Variants in CEP295 observed in about 807,000 individuals in gnomAD.
CEP295 encodes centrosomal protein 295, also known as centrosomal protein of 295 kDa.
In CEP295, 190 loss-of-function variants were observed where a neutral mutation model predicts 291.6. The ratio of observed to expected loss-of-function variants is 0.65; its 90% CI spans 0.58 to 0.73. The LOEUF is 0.73. Among genes scored for constraint, CEP295 ranks in the 30% least tolerant of loss-of-function variants. The pLI, the probability that CEP295 is intolerant of heterozygous loss-of-function variation, is 0.00. For synonymous variants in CEP295, 993 were observed against 1,038.8 expected (o/e 0.96, Z 0.85); for missense variants, 2,863 against 2,949.4 (o/e 0.97, Z 0.68).
At chr11:93,707,832 A>G (rs1344097065) in intron 18 of CEP295, among the ~76,000 whole-genome samples, 2 of 152,128 alleles carry the variant, frequency 1.3e-5, no homozygotes, top group Admixed American at 6.5e-5. Context: ...AAGATAATTT[A>G]CTTGTATCTA....
At chr11:93,693,782 A>C (rs1050279409) in intron 12 of CEP295, among the ~76,000 whole-genome samples, 6 of 152,194 alleles carry the variant, frequency 3.9e-5, no homozygotes, top group Non-Finnish European at 8.8e-5. Flanking sequence ...AAAAAAGAAA[A>C]ATTTCTCATC....
In CEP295 at chr11:93,698,439, T is replaced by C; in HGVS notation, c.3527T>C (p.Ile1176Thr). 1 of 1,552,028 alleles carries C rather than the reference T, an allele frequency of 6.4e-7. No individual in the cohort carries two copies. Among genetic ancestry groups the C allele is most frequent in the Non-Finnish European group, 8.7e-7 (1 of 1,147,066 alleles). The change falls in exon 15 of 30, where the codon ATA becomes ACA. Residue 1176 changes from isoleucine to threonine, a missense_variant. Physicochemically the swap from Ile to Thr is moderately conservative, Grantham distance 89 (BLOSUM62 -1). Around this residue, in one of 3 missense-constraint regions of CEP295, gnomAD observed 2,295 missense variants for 2,335.7 expected, o/e 0.98. Coordinates refer to ENST00000325212, the MANE Select transcript of CEP295 (RefSeq NM_033395.2). ...GAACAGTCACAAATACAAAGGGTAATACTTGGTGCTAAAGAAGGAACTCAG... is the reference window on the plus strand; with the variant it reads ...GAACAGTCACAAATACAAAGGGTAACACTTGGTGCTAAAGAAGGAACTCAG... ...LQEQSQIQRV[I>T]LGAKEGTQEF...
chr11:93,706,677 A>G (rs1952529034), intron 17 of CEP295, 68 bp from the exon 18 acceptor site: 2 of 1,332,528 alleles, frequency 1.5e-6, no homozygotes, highest in Admixed American at 5.9e-5. Flanking sequence ...CCATAATATA[A>G]ATTGGCACTT....
chr11:93,721,963 C>CT lies in CEP295; in HGVS notation c.5861dup (p.Ser1955ValfsTer3). On this transcript the variant is annotated frameshift_variant, in exon 20 of 30. Transcript: ENST00000325212. LOFTEE classifies it high-confidence loss of function. ...TCCCCTTAATTTCTAGGCTAAAACA[C>CT]TGTCTTATGAACCATTATCTTCAGC... 6.2e-7 allele frequency: 1 copy of CT among 1,608,044 alleles called. No homozygotes were observed. The highest frequency in any genetic ancestry group is 8.5e-7 in the Non-Finnish European group (1 of 1,175,674).
At chr11:93,721,657 A>G (rs1282454084) in intron 19 of CEP295, 1 of 689,032 alleles carries the variant, frequency 1.5e-6, no homozygotes, top group Non-Finnish European at 2.6e-6. Flanking sequence ...CAATAAGGGC[A>G]TATGTCTGGT....
intron 10 of CEP295, among the ~76,000 whole-genome samples, chr11:93,691,243 C>G (rs1044981707): frequency 6.6e-6 from 1 of 152,220 alleles, no homozygotes; most frequent in African/African-American, 2.4e-5. Flanking sequence ...TCCATGCAGA[C>G]TATCTGGCTA....
In CEP295 at chr11:93,728,709, A is replaced by T; in HGVS notation, c.7190A>T (p.Glu2397Val). Residue 2397 changes from glutamate (E) to valine (V), a missense_variant, in exon 25 of 30, where the codon GAA (glutamate) becomes GTA (valine). Glu to Val is a moderately radical substitution (Grantham distance 121, BLOSUM62 -2). Coordinates refer to ENST00000325212, the MANE Select transcript of CEP295 (RefSeq NM_033395.2). ...ACAGAAACTGGCCATGGTATAATGG[A>T]AGAACCAGAACTTACTTTAATAAGC... ...WETETGHGIM[E>V]EPELTLISTT... 2 of 1,545,628 alleles carry T rather than the reference A, an allele frequency of 1.3e-6. No individual in the cohort carries two copies. Among genetic ancestry groups the T allele is most frequent in the South Asian group, 2.4e-5 (2 of 82,386 alleles).
intron 12 of CEP295, 135 bp downstream of exon 12, chr11:93,692,165 T>C (rs1178144102): frequency 6.7e-6 from 4 of 592,660 alleles, no homozygotes; most frequent in Non-Finnish European, 1.2e-5. Context: ...TACACAAACA[T>C]TCAGCTGATA....
At chr11:93,706,475 G>T (rs576956219) in intron 17 of CEP295, among the ~76,000 whole-genome samples, 1 of 152,258 alleles carries the variant, frequency 6.6e-6, no homozygotes, top group African/African-American at 2.4e-5. Flanking sequence ...ATGAATGCAT[G>T]TTATAATGGC....
In CEP295 at chr11:93,679,462, A is replaced by G. The variant is rs1044182326; in HGVS notation, c.675A>G (p.Leu225=). The G allele has an allele frequency of 6.4e-6, 10 of 1,551,538 alleles. No homozygotes were observed. The African/African-American group carries it at 9.6e-5, about 15-fold the overall frequency. The change falls in exon 7 of 30, where the codon CTA becomes CTG. Residue 225 remains leucine (L), a synonymous_variant. Coordinates refer to ENST00000325212, the MANE Select transcript of CEP295 (RefSeq NM_033395.2). ...AEEEAKRLEE[L]QKQAAQERME... ...AGGAAGCTAAACGATTGGAAGAACT[A>G]CAAAAACAGGCAGCACAAGAGAGAA...
At chr11:93,727,789 A>C in intron 24 of CEP295, 152 bp downstream of exon 24, 1 of 643,480 alleles carries the variant, frequency 1.6e-6, no homozygotes, top group Non-Finnish European at 2.6e-6. Flanking sequence ...CAACTTCCGA[A>C]GTAGTTTGGA....
Position 93,699,642 on chromosome 11 carries a change from C to G in CEP295, c.4730C>G (p.Ser1577Ter), listed in dbSNP as rs1482191556. ...ACCAAAAGTAATGATACTCTTCCCT[C>G]AAGTCATCGTGAGATTCCAAGATTA... ...FPTKSNDTLPSSHREIPRLQD... is the reference protein window; with the variant it reads ...FPTKSNDTLP Residue 1577 changes from serine (S) to a stop codon, truncating the protein, a stop_gained, in exon 15 of 30, where the codon TCA becomes TGA. Coordinates refer to ENST00000325212, the MANE Select transcript of CEP295 (RefSeq NM_033395.2). LOFTEE classifies it high-confidence loss of function. 1 of 1,551,534 alleles carries G rather than the reference C, an allele frequency of 6.4e-7. No individual in the cohort carries two copies. The highest frequency in any genetic ancestry group is 8.7e-7 in the Non-Finnish European group (1 of 1,147,052).
rs1274953343 is a variant in CEP295 at position 93,728,777 on chromosome 11, A to T, written c.7258A>T (p.Thr2420Ser). The T allele has an allele frequency of 6.5e-7, 1 of 1,549,846 alleles. No individual in the cohort carries two copies. The highest frequency in any genetic ancestry group is 1.4e-5 in the African/African-American group (1 of 72,966). ...TGCTGAAATGGATTTTGCAAATTTA[A>T]CCCTAGAAGAGAAGAGCGAGAATGA... The part of the protein sequence containing the change: ...SIAEMDFANL[T>S]LEEKSENEAK... Residue 2420 changes from threonine (T) to serine (S), a missense_variant, in exon 25 of 30, where the codon ACC becomes TCC. Physicochemically the swap from Thr to Ser is moderately conservative, Grantham distance 58. Transcript: ENST00000325212.
At position 93,697,727 on chromosome 11, in the gene CEP295, C is replaced by T; in HGVS notation, c.2815C>T (p.Leu939Phe). The change falls in exon 15 of 30, where the codon CTT (leucine) becomes TTT (phenylalanine). Residue 939 changes from leucine (L) to phenylalanine (F), a missense_variant. By Grantham distance (22) the Leu-to-Phe change is conservative. Transcript: ENST00000325212. ...ACAACTTCAGGATAAGCGTTTGAGT[C>T]TTTCACAGCCTATCCTATCACAGCA... Reference protein sequence around the residue: ...ISQLQDKRLSLSQPILSQQNN... With the variant: ...ISQLQDKRLSFSQPILSQQNN... 1 of 1,551,624 alleles carries T rather than the reference C, an allele frequency of 6.4e-7. No homozygotes were observed. The highest frequency in any genetic ancestry group is 1.2e-5 in the South Asian group (1 of 84,032).
At position 93,697,885 on chromosome 11, in the gene CEP295, T is replaced by C; in HGVS notation, c.2973T>C (p.Ala991=). Residue 991 remains alanine, a synonymous_variant, in exon 15 of 30, where the codon GCT becomes GCC. Coordinates refer to ENST00000325212, the MANE Select transcript of CEP295 (RefSeq NM_033395.2). ...ATAGAAGAGTATGTTCCGAACAGGC[T>C]GAGCCCTCTTTCCCATTTCAGGTAG... is the stretch of plus-strand genomic sequence containing the variant. The part of the protein sequence containing the change: ...ELDRRVCSEQ[A]EPSFPFQVAQ... 6.4e-7 allele frequency: 1 copy of C among 1,551,740 alleles called. No individual in the cohort carries two copies. Among genetic ancestry groups the C allele is most frequent in the Non-Finnish European group, 8.7e-7 (1 of 1,146,988 alleles).
intron 6 of CEP295, among the ~76,000 whole-genome samples, chr11:93,678,219 G>C (rs1041857643): frequency 6.6e-6 from 1 of 151,970 alleles, no homozygotes; most frequent in Non-Finnish European, 1.5e-5. Flanking sequence ...AAACCTCATG[G>C]CTGAAATGGA....
rs765599590 is a variant in CEP295 at position 93,698,571 on chromosome 11, G to A, written c.3659G>A (p.Cys1220Tyr). The change falls in exon 15 of 30, where the codon TGT becomes TAT. Residue 1220 changes from cysteine to tyrosine, a missense_variant. Transcript: ENST00000325212. ...QVDESERFQE[C>Y]ISIKSDSTIP... is the part of the protein sequence containing the mutation. ...GATGAATCTGAGAGATTCCAGGAAT[G>A]TATATCAATCAAGAGTGACAGTACC... 1.3e-6 allele frequency: 2 copies of A among 1,552,172 alleles called. No homozygotes were observed. The highest frequency in any genetic ancestry group is 1.7e-6 in the Non-Finnish European group (2 of 1,147,112).
chr11:93,727,119 C>T lies in CEP295; in HGVS notation c.6643C>T (p.His2215Tyr), dbSNP rs774258119. ...AAATCAGAACTATCCCTCTGAAGAACATACTGAAATATTACAAAACAAGAA... is the reference window on the plus strand; with the variant it reads ...AAATCAGAACTATCCCTCTGAAGAATATACTGAAATATTACAAAACAAGAA... ...MKNQNYPSEE[H>Y]TEILQNKKKI... Residue 2215 changes from histidine (H) to tyrosine (Y), a missense_variant, in exon 24 of 30, where the codon CAT (histidine) becomes TAT (tyrosine). Transcript: ENST00000325212. 1.9e-6 allele frequency: 3 copies of T among 1,551,164 alleles called. No homozygotes were observed. The highest frequency in any genetic ancestry group is 2.4e-5 in the South Asian group (2 of 83,918).
intron 19 of CEP295, 29 bp downstream of exon 19, chr11:93,721,441 T>A (rs1162319667): frequency 7.4e-7 from 1 of 1,352,030 alleles, no homozygotes; most frequent in Admixed American, 1.7e-5. Flanking sequence ...TTCACTCGAT[T>A]TTTAGAGCTG....
Sources: allele counts gnomAD v4.1 joint callset (sites outside exome capture counted in the v4.1 genomes callset), GRCh38; gene constraint gnomAD v4.1.1; regional missense constraint gnomAD v4.1.1; transcripts MANE v1.5; gene names NCBI Gene and HGNC (gene_info 2026-07-23, HGNC 2026-07-21).